Variants in GAP43 observed in about 807,000 individuals in gnomAD.
GAP43 encodes the protein growth associated protein 43.
GAP43 carries 6 observed loss-of-function variants against 18.6 expected under a neutral mutation model. The observed-to-expected ratio is 0.32, with a 90% CI of 0.18 to 0.64. GAP43 has a LOEUF of 0.64. Among genes scored for constraint, GAP43 ranks in the 30% least tolerant of loss-of-function variants. The pLI, the probability that GAP43 is intolerant of heterozygous loss-of-function variation, is 0.78. For synonymous variants in GAP43, 115 were observed against 111.4 expected (o/e 1.03, Z -0.20); for missense variants, 292 against 295.5 (o/e 0.99, Z 0.09).
chr3:115,715,073 T>C (rs1300355186), intron 2 of GAP43, among the ~76,000 whole-genome samples: 1 of 152,170 alleles, frequency 6.6e-6, no homozygotes, highest in African/African-American at 2.4e-5. Context: ...ATCCCAGTCA[T>C]GAGTCCGCTA....
chr3:115,713,775 TA>T (rs1222980378), intron 2 of GAP43, among the ~76,000 whole-genome samples: 1 of 152,248 alleles, frequency 6.6e-6, no homozygotes, highest in Non-Finnish European at 1.5e-5. Flanking sequence ...TACATTGTTG[TA>T]AATACATGCA....
At chr3:115,717,352 C>G (rs931438522) in intron 2 of GAP43, among the ~76,000 whole-genome samples, 1 of 151,592 alleles carries the variant, frequency 6.6e-6, no homozygotes, top group African/African-American at 2.4e-5. Flanking sequence ...TTTTGTCCCC[C>G]AGGCCGGAGT....
At chr3:115,670,033 A>G (rs1708796431) in intron 1 of GAP43, among the ~76,000 whole-genome samples, 1 of 128,748 alleles carries the variant, frequency 7.8e-6, no homozygotes, top group South Asian at 2.5e-4. Flanking sequence ...TTTAGGGTAC[A>G]TGTGCACATT....
chr3:115,696,575 A>ACC (rs1451962895), intron 2 of GAP43, among the ~76,000 whole-genome samples: 10 of 32,712 alleles, frequency 3.1e-4, no homozygotes, highest in East Asian at 2.0e-3. Context: ...GCTGCCCCCC[A>ACC]CCGCCCCCCC....
At chr3:115,683,147 G>GCACACACACACA (rs869219452) in intron 2 of GAP43, among the ~76,000 whole-genome samples, 30 of 127,432 alleles carry the variant, frequency 2.4e-4, no homozygotes, top group South Asian at 3.0e-4. Flanking sequence ...GCGCGCGCGC[G>GCACACACACACA]CACACACACA....
chr3:115,632,128 C>A (rs1033448869), intron 1 of GAP43, among the ~76,000 whole-genome samples: 1 of 152,022 alleles, frequency 6.6e-6, no homozygotes, highest in African/African-American at 2.4e-5. Context: ...CTTTTCTTCT[C>A]CATTTGCTAA....
intron 1 of GAP43, among the ~76,000 whole-genome samples, chr3:115,641,751 AAG>A (rs1161560666): frequency 6.6e-6 from 1 of 152,138 alleles, no homozygotes; most frequent in Non-Finnish European, 1.5e-5. Flanking sequence ...AGTAGAGCTA[AAG>A]AGAGCTTAGG....
intron 1 of GAP43, among the ~76,000 whole-genome samples, chr3:115,642,406 A>T (rs926302899): frequency 4.1e-5 from 6 of 145,134 alleles, no homozygotes; most frequent in African/African-American, 1.0e-4. Context: ...GAAATACAGA[A>T]TTTTTTTTTT....
intron 2 of GAP43, among the ~76,000 whole-genome samples, chr3:115,696,410 C>T: frequency 6.6e-6 from 1 of 152,050 alleles, no homozygotes; most frequent in East Asian, 1.9e-4. Flanking sequence ...CAGCACATCT[C>T]ACTTTTTCTA....
At chr3:115,660,775 G>C (rs1051662180) in intron 1 of GAP43, among the ~76,000 whole-genome samples, 3 of 152,170 alleles carry the variant, frequency 2.0e-5, no homozygotes, top group African/African-American at 7.2e-5. Context: ...AGTCTGCATT[G>C]CCAGCCCAAA....
At chr3:115,629,422 T>TTA (rs397730005) in intron 1 of GAP43, among the ~76,000 whole-genome samples, 2 of 151,790 alleles carry the variant, frequency 1.3e-5, no homozygotes, top group Admixed American at 6.6e-5. Context: ...TTTTTTTTTT[T>TTA]ACCTGATGAC....
rs1479709507 is a variant in GAP43 at position 115,644,941 on chromosome 3, T to C, written c.30+21222T>C. The stretch of plus-strand genomic sequence containing the variant: ...GGTAACTTCAGCATGTCTGAATCCA[T>C]CTAACAGTCTTGTTGAGGCAGGGAG... On this transcript the variant is annotated intron_variant, in intron 1 of 2. Transcript: ENST00000305124. The surrounding 1 kb of genome is among the most constrained non-coding windows in gnomAD (Gnocchi z 4.2). 6.6e-6 allele frequency among the ~76,000 whole-genome samples: 1 copy of C among 152,044 alleles called. No individual in the cohort carries two copies. Among genetic ancestry groups the C allele is most frequent in the African/African-American group, 2.4e-5 (1 of 41,444 alleles).
intron 1 of GAP43, among the ~76,000 whole-genome samples, chr3:115,662,049 AG>A (rs1170822840): frequency 6.6e-5 from 10 of 152,050 alleles, no homozygotes; most frequent in Non-Finnish European, 1.3e-4. Context: ...ATTCGATTTT[AG>A]CTTACTGTGA....
At chr3:115,716,947 G>A (rs1709516907) in intron 2 of GAP43, among the ~76,000 whole-genome samples, 2 of 151,464 alleles carry the variant, frequency 1.3e-5, no homozygotes. Context: ...ATGGACTCTA[G>A]CTACTTAGTT....
At chr3:115,641,334 C>CT (rs1323753842) in intron 1 of GAP43, among the ~76,000 whole-genome samples, 2 of 151,530 alleles carry the variant, frequency 1.3e-5, no homozygotes, top group African/African-American at 4.9e-5. Context: ...CTCATATTGT[C>CT]TATGTGTGTG....
rs1708140421 is a variant in GAP43 at position 115,623,542 on chromosome 3, G to A, written c.-148G>A. On this transcript the variant is annotated 5_prime_UTR_variant, in exon 1 of 3. Coordinates refer to ENST00000305124, the MANE Select transcript of GAP43 (RefSeq NM_002045.4). ...CTGCTAACTGCCCTGGTGTGTGTGA[G>A]GGAGAGAGAGGGAGGGAGGGAGAGA... The A allele has an allele frequency of 1.1e-6, 1 of 903,962 alleles. No individual in the cohort carries two copies. The highest frequency in any genetic ancestry group is 1.5e-5 in the South Asian group (1 of 68,302). 56.0% of individuals were successfully genotyped at this position (903,962 alleles called of 1,614,324 possible).
chr3:115,718,968 A>G (rs1033417426), intron 2 of GAP43, among the ~76,000 whole-genome samples: 2 of 152,180 alleles, frequency 1.3e-5, no homozygotes, highest in Non-Finnish European at 2.9e-5. Flanking sequence ...AGCTCTTTTA[A>G]TGGTCTCCTT....
intron 2 of GAP43, among the ~76,000 whole-genome samples, chr3:115,700,573 A>AGTCTT (rs1406726070): frequency 6.6e-6 from 1 of 152,128 alleles, no homozygotes; most frequent in East Asian, 1.9e-4. Flanking sequence ...TGTTCCTTTT[A>AGTCTT]GTCTTGGCTG....
intron 2 of GAP43, among the ~76,000 whole-genome samples, chr3:115,698,125 ATATATAATATATAT>A (rs1709232842): frequency 2.1e-4 from 2 of 9,602 alleles, no homozygotes; most frequent in African/African-American, 2.9e-4. Context: ...AATATATATT[ATATATAATATATAT>A]AATATATATT....
Sources: allele counts gnomAD v4.1 joint callset (sites outside exome capture counted in the v4.1 genomes callset), GRCh38; gene constraint gnomAD v4.1.1; non-coding constraint Gnocchi (gnomAD v3.1); transcripts MANE v1.5; gene names NCBI Gene and HGNC (gene_info 2026-07-23, HGNC 2026-07-21).